CDHR3: variants seen among roughly 807,000 people sequenced by gnomAD.
The protein encoded by CDHR3 is cadherin related family member 3.
A neutral mutation model predicts 86.6 loss-of-function variants in CDHR3; 79 were observed. The ratio of observed to expected loss-of-function variants is 0.91; its 90% CI spans 0.76 to 1.10. CDHR3 has a LOEUF of 1.10. CDHR3 is among the 50% of genes least tolerant of loss of function. The pLI, the probability that CDHR3 is intolerant of heterozygous loss-of-function variation, is 0.00. For missense variants in CDHR3, 1,081 were observed against 1,077.6 expected (o/e 1.00, Z -0.04); for synonymous variants, 421 against 402.4 (o/e 1.05, Z -0.55).
chr7:106,015,000 A>T (rs1835362455), intron 9 of CDHR3, 111 bp from the exon 10 acceptor site: 5 of 803,384 alleles, frequency 6.2e-6, no homozygotes, highest in Non-Finnish European at 9.7e-6. Context: ...GTGTTTGCCA[A>T]AAGCGTTTTG....
chr7:105,969,764 T>G (rs1292804213), intron 1 of CDHR3, among the ~76,000 whole-genome samples: 1 of 152,262 alleles, frequency 6.6e-6, no homozygotes, highest in Admixed American at 6.5e-5. Context: ...TCAGCTGTAG[T>G]GCATATCCTT....
intron 15 of CDHR3, 24 bp downstream of exon 15, chr7:106,024,586 C>G: frequency 6.2e-7 from 1 of 1,608,606 alleles, no homozygotes; most frequent in Admixed American, 1.7e-5. Flanking sequence ...GGGCTGGGCC[C>G]TCTTCCCCAC....
At chr7:106,021,712 A>C (rs1376900033) in intron 13 of CDHR3, among the ~76,000 whole-genome samples, 1 of 152,238 alleles carries the variant, frequency 6.6e-6, no homozygotes, top group African/African-American at 2.4e-5. Flanking sequence ...CTCCAGGGAC[A>C]GCCATAACCA....
At chr7:105,999,634 G>A (rs1287551559) in intron 6 of CDHR3, among the ~76,000 whole-genome samples, 1 of 152,256 alleles carries the variant, frequency 6.6e-6, no homozygotes. Context: ...ATGATGGGAA[G>A]AAGGGGCTTT....
intron 4 of CDHR3, among the ~76,000 whole-genome samples, chr7:105,989,416 G>A (rs1287484445): frequency 2.6e-5 from 4 of 151,882 alleles, no homozygotes; most frequent in Non-Finnish European, 4.4e-5. Context: ...TCTCCATTAA[G>A]GGGCTTTCTT....
At chr7:105,965,401 G>C (rs1468246659) in intron 1 of CDHR3, among the ~76,000 whole-genome samples, 6 of 152,188 alleles carry the variant, frequency 3.9e-5, no homozygotes, top group Non-Finnish European at 7.3e-5. Flanking sequence ...TTGAACCCAG[G>C]AGGCGGAGGT....
intron 8 of CDHR3, among the ~76,000 whole-genome samples, chr7:106,006,723 C>A (rs558013305): frequency 1.7e-4 from 26 of 152,240 alleles, no homozygotes; most frequent in Non-Finnish European, 2.8e-4. Context: ...ATCCTGGATG[C>A]TTTCATGGGC....
chr7:106,029,858 T>C (rs1304785514), intron 17 of CDHR3, among the ~76,000 whole-genome samples: 1 of 152,144 alleles, frequency 6.6e-6, no homozygotes, highest in Non-Finnish European at 1.5e-5. Flanking sequence ...CTAAGGCGAG[T>C]ACCCTTGGGG....
chr7:105,966,352 A>G (rs564492555), intron 1 of CDHR3, among the ~76,000 whole-genome samples: 1 of 152,322 alleles, frequency 6.6e-6, no homozygotes, highest in East Asian at 1.9e-4. Flanking sequence ...ATTCACATGG[A>G]CATGAAAAGG....
At chr7:105,984,063 T>A (rs374839105) in intron 3 of CDHR3, 129 bp from the exon 4 acceptor site, 2 of 491,078 alleles carry the variant, frequency 4.1e-6, no homozygotes, top group Non-Finnish European at 7.3e-6. Context: ...TGGATTTTTT[T>A]ATTGCATTCT....
intron 3 of CDHR3, among the ~76,000 whole-genome samples, chr7:105,983,155 T>C (rs896765933): frequency 1.3e-5 from 2 of 152,224 alleles, no homozygotes; most frequent in Non-Finnish European, 2.9e-5. Context: ...TTGCTATCCA[T>C]ATCTTCCCAT....
intron 7 of CDHR3, 127 bp downstream of exon 7, chr7:106,001,737 C>T (rs917415337): frequency 3.5e-5 from 40 of 1,153,374 alleles, no homozygotes; most frequent in Non-Finnish European, 4.5e-5. Context: ...CCAAAATCCA[C>T]GTATGCTCAA....
intron 15 of CDHR3, among the ~76,000 whole-genome samples, chr7:106,025,813 G>A (rs1563306840): frequency 6.6e-6 from 1 of 152,094 alleles, no homozygotes; most frequent in African/African-American, 2.4e-5. Context: ...AGAAATCCTC[G>A]AGCATCTGCT....
At chr7:105,968,545 G>C (rs1056147413) in intron 1 of CDHR3, among the ~76,000 whole-genome samples, 1 of 152,004 alleles carries the variant, frequency 6.6e-6, no homozygotes, top group Non-Finnish European at 1.5e-5. Flanking sequence ...ATTTTTAATA[G>C]AGGTGGGGTT....
At chr7:105,993,781 G>T (rs1831757334) in intron 4 of CDHR3, among the ~76,000 whole-genome samples, 1 of 151,698 alleles carries the variant, frequency 6.6e-6, no homozygotes, top group Non-Finnish European at 1.5e-5. Context: ...CTCCATTGTG[G>T]AAGAAACAGA....
chr7:105,987,789 G>A (rs1830737489), intron 4 of CDHR3, among the ~76,000 whole-genome samples: 2 of 152,242 alleles, frequency 1.3e-5, no homozygotes, highest in Non-Finnish European at 2.9e-5. Context: ...CCCACTCCTG[G>A]AGTTTTCGAG....
chr7:106,030,012 G>T lies in CDHR3; in HGVS notation c.2305-780G>T, dbSNP rs934145727. ...CCCATTTCCTCTCTCTTCAGAGTTG[G>T]GGAGTTGTGGGGAACTAGGTAGGGG... On this transcript the variant is annotated intron_variant, in intron 17 of 18. Transcript: ENST00000317716. The surrounding 1 kb of genome is among the most constrained non-coding windows in gnomAD (Gnocchi z 4.8). 6.6e-6 allele frequency among the ~76,000 whole-genome samples: 1 copy of T among 152,194 alleles called. No homozygotes were observed. The highest frequency in any genetic ancestry group is 1.5e-5 in the Non-Finnish European group (1 of 68,044).
intron 14 of CDHR3, among the ~76,000 whole-genome samples, chr7:106,022,727 A>G (rs2115888944): frequency 6.6e-6 from 1 of 152,280 alleles, no homozygotes; most frequent in Admixed American, 6.5e-5. Context: ...ATCAGACCTC[A>G]ACCATCTGTG....
intron 3 of CDHR3, among the ~76,000 whole-genome samples, chr7:105,982,161 G>A (rs1829840560): frequency 6.6e-6 from 1 of 152,128 alleles, no homozygotes; most frequent in Non-Finnish European, 1.5e-5. Context: ...CTCACTCAAA[G>A]GGAGTCTCCT....
Sources: allele counts gnomAD v4.1 joint callset (sites outside exome capture counted in the v4.1 genomes callset), GRCh38; gene constraint gnomAD v4.1.1; non-coding constraint Gnocchi (gnomAD v3.1); transcripts MANE v1.5; gene names NCBI Gene and HGNC (gene_info 2026-07-23, HGNC 2026-07-21).